Variants in VRK1 observed in about 807,000 individuals in gnomAD.
The protein encoded by VRK1 is serine/threonine-protein kinase VRK1.
A neutral mutation model predicts 57.1 loss-of-function variants in VRK1; 33 were observed. That is an observed-to-expected ratio of 0.58 (90% confidence interval 0.44 to 0.77). The LOEUF (loss-of-function observed/expected upper bound fraction) is 0.77, where lower values mean the gene tolerates loss of function less well. Among genes scored for constraint, VRK1 ranks in the 30% least tolerant of loss-of-function variants. The probability of loss-of-function intolerance (pLI) is 0.00; values close to 1 mark genes in which losing one functional copy is unlikely to be tolerated. For synonymous variants in VRK1, 137 were observed against 147.8 expected (o/e 0.93, Z 0.53); for missense variants, 413 against 477.3 (o/e 0.87, Z 1.25).
chr14:96,828,890 G>A (rs1886900941), intron 1 of VRK1, among the ~76,000 whole-genome samples: 1 of 152,192 alleles, frequency 6.6e-6, no homozygotes. Flanking sequence ...GGCCACCTGA[G>A]ATTATAGGGG....
chr14:96,821,754 T>C (rs1886607210), intron 1 of VRK1, among the ~76,000 whole-genome samples: 1 of 152,150 alleles, frequency 6.6e-6, no homozygotes, highest in Admixed American at 6.5e-5. Flanking sequence ...GTCCTTACAA[T>C]AGCCTGAGTG....
At chr14:96,833,781 G>A (rs773313473) in intron 2 of VRK1, 150 bp downstream of exon 2, 41 of 1,134,860 alleles carry the variant, frequency 3.6e-5, no homozygotes, top group East Asian at 1.0e-4. Context: ...CATCTCTGAC[G>A]TAGGAGTGGA....
intron 1 of VRK1, among the ~76,000 whole-genome samples, chr14:96,830,844 T>C (rs1467902446): frequency 2.0e-5 from 3 of 152,238 alleles, no homozygotes; most frequent in Admixed American, 6.5e-5. Context: ...GGCTAACTTA[T>C]AGATCCACTT....
chr14:96,838,924 T>C (rs949199492), intron 3 of VRK1, among the ~76,000 whole-genome samples: 4 of 149,754 alleles, frequency 2.7e-5, no homozygotes, highest in African/African-American at 9.8e-5. Flanking sequence ...TACATAGATA[T>C]AAAATGAACA....
intron 1 of VRK1, among the ~76,000 whole-genome samples, chr14:96,811,247 T>C (rs1183285165): frequency 2.0e-5 from 3 of 152,156 alleles, no homozygotes; most frequent in Admixed American, 6.5e-5. Flanking sequence ...CTTACTAATA[T>C]ACTGTGTCCC....
In VRK1 at chr14:96,856,517, A is replaced by G; in HGVS notation, c.831-11A>G. On this transcript the variant is annotated splice_polypyrimidine_tract_variant and intron_variant, in intron 9 of 12. Coordinates refer to ENST00000216639, the MANE Select transcript of VRK1 (RefSeq NM_003384.3). ...TCAAGCTTCAGTGACTCATTCTTTA[A>G]TTTTTAACAGATACAGAGAAAATAT... 1 of 1,609,482 alleles carries G rather than the reference A, an allele frequency of 6.2e-7. No individual in the cohort carries two copies. The highest frequency in any genetic ancestry group is 1.1e-5 in the South Asian group (1 of 90,872).
intron 11 of VRK1, among the ~76,000 whole-genome samples, chr14:96,864,068 T>A (rs2139821947): frequency 6.6e-6 from 1 of 152,320 alleles, no homozygotes; most frequent in Non-Finnish European, 1.5e-5. Context: ...ATTATATAAA[T>A]TTTAGATTGT....
chr14:96,799,590 A>G (rs574781522), intron 1 of VRK1, among the ~76,000 whole-genome samples: 5 of 152,368 alleles, frequency 3.3e-5, no homozygotes, highest in African/African-American at 1.2e-4. Flanking sequence ...CAAATGAAGG[A>G]TGTCTCCTGA....
chr14:96,870,846 A>G (rs541499677), intron 11 of VRK1, among the ~76,000 whole-genome samples: 1 of 152,258 alleles, frequency 6.6e-6, no homozygotes, highest in Non-Finnish European at 1.5e-5. Context: ...AGAATGGATG[A>G]CAGTAGAGCT....
intron 1 of VRK1, among the ~76,000 whole-genome samples, chr14:96,832,322 T>G (rs1887039294): frequency 6.6e-6 from 1 of 152,190 alleles, no homozygotes; most frequent in Non-Finnish European, 1.5e-5. Context: ...CATACTGTCT[T>G]AATCATTCTT....
intron 3 of VRK1, 116 bp from the exon 4 acceptor site, chr14:96,845,979 A>T (rs779446033): frequency 5.9e-5 from 54 of 913,050 alleles, no homozygotes; most frequent in Non-Finnish European, 8.6e-5. Flanking sequence ...TATAAACTTA[A>T]GTATCAAAAT....
chr14:96,869,238 G>A (rs1198931362), intron 11 of VRK1, among the ~76,000 whole-genome samples: 1 of 152,198 alleles, frequency 6.6e-6, no homozygotes, highest in African/African-American at 2.4e-5. Context: ...ACCAGTAAAT[G>A]TTAACTGCAA....
At chr14:96,879,372 T>C (rs1275649923) in intron 12 of VRK1, among the ~76,000 whole-genome samples, 2 of 152,172 alleles carry the variant, frequency 1.3e-5, no homozygotes, top group African/African-American at 4.8e-5. Context: ...TTAGTTGCAG[T>C]GAGAAACTTT....
rs908494852 is a variant in VRK1 at position 96,846,198 on chromosome 14, T to C, written c.286+34T>C. Reference sequence around the variant, plus strand: ...TACAGTACACATACGTTTACACTTTTAAAATGACCAGTTTTTTGTTTTAAG... The same window carrying C: ...TACAGTACACATACGTTTACACTTTCAAAATGACCAGTTTTTTGTTTTAAG... On this transcript the variant is annotated intron_variant, in intron 4 of 12. Coordinates refer to ENST00000216639, the MANE Select transcript of VRK1 (RefSeq NM_003384.3). 4 of 1,602,038 alleles carry C rather than the reference T, an allele frequency of 2.5e-6. No individual in the cohort carries two copies. The African/African-American group carries it at 5.4e-5, about 21-fold the overall frequency.
intron 11 of VRK1, among the ~76,000 whole-genome samples, chr14:96,865,091 A>T (rs551893177): frequency 6.6e-6 from 1 of 152,188 alleles, no homozygotes; most frequent in South Asian, 2.1e-4. Flanking sequence ...CATGAAGCTC[A>T]GTTTATCAGT....
At chr14:96,800,733 T>A (rs1885626850) in intron 1 of VRK1, among the ~76,000 whole-genome samples, 1 of 152,098 alleles carries the variant, frequency 6.6e-6, no homozygotes, top group Non-Finnish European at 1.5e-5. Context: ...ACTCTAGGAT[T>A]TGAAAATTAA....
At chr14:96,827,237 C>T (rs1459482919) in intron 1 of VRK1, among the ~76,000 whole-genome samples, 2 of 152,034 alleles carry the variant, frequency 1.3e-5, no homozygotes, top group Non-Finnish European at 2.9e-5. Context: ...TCCAAATTCA[C>T]CCCTTTTTGC....
intron 12 of VRK1, among the ~76,000 whole-genome samples, chr14:96,878,646 T>C (rs1043299418): frequency 2.0e-5 from 3 of 152,212 alleles, no homozygotes; most frequent in African/African-American, 4.8e-5. Context: ...GAACACATTC[T>C]GAAAGCTTTC....
chr14:96,872,076 A>T (rs567892635), intron 11 of VRK1, among the ~76,000 whole-genome samples: 2 of 152,274 alleles, frequency 1.3e-5, no homozygotes, highest in Admixed American at 6.5e-5. Context: ...AAGTGCTGGG[A>T]TTGTAGGCGT....
Sources: gnomAD v4.1 joint callset for allele counts (sites outside exome capture counted in the v4.1 genomes callset) on GRCh38, gnomAD v4.1.1 for gene constraint, MANE v1.5 for transcripts, NCBI Gene and HGNC (gene_info 2026-07-23, HGNC 2026-07-21) for gene names.